Variants in PTGER3 observed in about 807,000 individuals in gnomAD.
PTGER3 encodes the protein prostaglandin E2 receptor EP3 subtype.
PTGER3 carries 22 observed loss-of-function variants against 34.7 expected under a neutral mutation model. The ratio of observed to expected loss-of-function variants is 0.63; its 90% confidence interval spans 0.45 to 0.91. The LOEUF (loss-of-function observed/expected upper bound fraction) is 0.91. Among genes scored for constraint, PTGER3 ranks in the 40% least tolerant of loss-of-function variants. The pLI is 0.00. For missense variants in PTGER3, 468 were observed against 519.4 expected (o/e 0.90, Z 0.96); for synonymous variants, 241 against 230.1 (o/e 1.05, Z -0.43).
At chr1:70,854,509 G>A (rs1645757282) in intron 4 of PTGER3, among the ~76,000 whole-genome samples, 1 of 152,122 alleles carries the variant, frequency 6.6e-6, no homozygotes, top group Non-Finnish European at 1.5e-5. Flanking sequence ...GGGGCCTGGT[G>A]GGAGATGATT....
chr1:70,853,360 C>T (rs532327775), intron 4 of PTGER3, among the ~76,000 whole-genome samples: 1 of 152,232 alleles, frequency 6.6e-6, no homozygotes, highest in South Asian at 2.1e-4. Flanking sequence ...GAATGGGAGG[C>T]ATTCTATAGA....
At chr1:71,013,369 T>A (rs1362607020) in intron 1 of PTGER3, among the ~76,000 whole-genome samples, 1 of 152,218 alleles carries the variant, frequency 6.6e-6, no homozygotes, top group Admixed American at 6.5e-5. Flanking sequence ...TTATATAATA[T>A]GTATTTATAT....
At chr1:70,856,823 T>C (rs1572465419) in intron 4 of PTGER3, among the ~76,000 whole-genome samples, 2 of 152,348 alleles carry the variant, frequency 1.3e-5, no homozygotes, top group African/African-American at 4.8e-5. Flanking sequence ...GAAACTGACA[T>C]TGGTACAATG....
chr1:70,924,163 A>G (rs567389780), intron 4 of PTGER3, among the ~76,000 whole-genome samples: 9 of 151,260 alleles, frequency 6.0e-5, no homozygotes, highest in Non-Finnish European at 1.3e-4. Context: ...GGCTTGGCTT[A>G]AAAAAAAAGT....
At position 71,046,701 on chromosome 1, in the gene PTGER3, C is replaced by A; in HGVS notation, c.877G>T (p.Val293Phe). Residue 293 changes from valine to phenylalanine, a missense_variant, in exon 1 of 4, where the codon GTC becomes TTC. Coordinates refer to ENST00000306666, the MANE Select transcript of PTGER3 (RefSeq NM_198719.2). Reference sequence around the variant, plus strand: ...CCTACCAGGAGCGGAGACCAGCAGACCGACAGCACGCACATGATCCCCATA... The same window carrying A: ...CCTACCAGGAGCGGAGACCAGCAGAACGACAGCACGCACATGATCCCCATA... Reference protein sequence around the residue: ...QLMGIMCVLSVCWSPLLIMML... With the variant: ...QLMGIMCVLSFCWSPLLIMML... 1 of 1,573,992 alleles carries A rather than the reference C, an allele frequency of 6.4e-7. No individual in the cohort carries two copies. Among genetic ancestry groups the A allele is most frequent in the South Asian group, 1.2e-5 (1 of 86,586 alleles).
chr1:71,029,439 G>T (rs1295037921), intron 1 of PTGER3, among the ~76,000 whole-genome samples: 1 of 152,170 alleles, frequency 6.6e-6, no homozygotes, highest in Non-Finnish European at 1.5e-5. Flanking sequence ...TGAAAACGAA[G>T]ATGACAGTAT....
intron 2 of PTGER3, among the ~76,000 whole-genome samples, chr1:70,961,559 A>C (rs1651934019): frequency 1.3e-5 from 2 of 152,164 alleles, no homozygotes; most frequent in South Asian, 4.1e-4. Context: ...TGTAGCCTTC[A>C]CTGGTAATTC....
intron 4 of PTGER3, among the ~76,000 whole-genome samples, chr1:70,880,509 G>T (rs960453111): frequency 6.6e-6 from 1 of 151,446 alleles, no homozygotes; most frequent in African/African-American, 2.4e-5. Context: ...GGCCAACATG[G>T]TGAAACCCCA....
chr1:70,953,839 G>A (rs915124355), intron 2 of PTGER3: 1 of 876,730 alleles, frequency 1.1e-6, no homozygotes, highest in Non-Finnish European at 1.7e-6. Context: ...AATATGCAAA[G>A]TTCCTAGAAG....
intron 4 of PTGER3, among the ~76,000 whole-genome samples, chr1:70,901,613 C>A (rs184517309): frequency 2.6e-5 from 4 of 152,218 alleles, no homozygotes; most frequent in African/African-American, 9.6e-5. Context: ...AAAGGCAGTA[C>A]CTACCTTCAA....
chr1:70,885,838 C>T (rs772356861), intron 4 of PTGER3, among the ~76,000 whole-genome samples: 5 of 152,054 alleles, frequency 3.3e-5, no homozygotes, highest in African/African-American at 4.8e-5. Flanking sequence ...GGAATAATGC[C>T]GGCAATGAGG....
intron 2 of PTGER3, among the ~76,000 whole-genome samples, chr1:70,964,623 C>T (rs1021423944): frequency 1.1e-4 from 16 of 152,164 alleles, no homozygotes; most frequent in Admixed American, 8.5e-4. Context: ...CCCAGTGGGT[C>T]CCTCCCATGA....
intron 4 of PTGER3, among the ~76,000 whole-genome samples, chr1:70,900,077 A>G (rs1355537429): frequency 6.6e-6 from 1 of 152,100 alleles, no homozygotes; most frequent in African/African-American, 2.4e-5. Context: ...ACCTAAAGCT[A>G]CCAATTTTCT....
rs1027167805 is a variant in PTGER3, at chr1:70,925,307, G to A, written c.*23+28456C>T. 5.9e-5 allele frequency among the ~76,000 whole-genome samples: 9 copies of A among 152,220 alleles called. No homozygotes were observed. In the South Asian group the frequency reaches 6.2e-4, roughly 11 times the overall value. On this transcript the variant is annotated intron_variant, in intron 4 of 4. Coordinates refer to the PTGER3 transcript ENST00000370931. ...GGCATGAGCCACCATGCTCAGCTAC[G>A]CACTCACTCTTAATATAACTTTAAT...
At chr1:71,008,442 T>C (rs988535112) in intron 2 of PTGER3, 26 of 893,682 alleles carry the variant, frequency 2.9e-5, no homozygotes, top group African/African-American at 3.6e-5. Flanking sequence ...TTAGGAATTA[T>C]AAAAGGGAAT....
chr1:70,919,146 T>C (rs1647300379), intron 4 of PTGER3, among the ~76,000 whole-genome samples: 1 of 152,116 alleles, frequency 6.6e-6, no homozygotes, highest in Admixed American at 6.6e-5. Context: ...GCCAGGCCCA[T>C]TGCAATTTAT....
intron 4 of PTGER3, among the ~76,000 whole-genome samples, chr1:70,932,499 G>A (rs1393001470): frequency 2.0e-5 from 3 of 152,166 alleles, no homozygotes; most frequent in Non-Finnish European, 2.9e-5. Flanking sequence ...TGGATTTACA[G>A]TGCTACATGG....
chr1:70,974,160 G>T, intron 3 of PTGER3, 137 bp downstream of exon 3: 1 of 1,263,648 alleles, frequency 7.9e-7, no homozygotes, highest in Non-Finnish European at 1.0e-6. Context: ...AAGGAATCTA[G>T]CACTCTTAAT....
chr1:70,915,308 A>G (rs190215281), intron 4 of PTGER3, among the ~76,000 whole-genome samples: 2 of 151,978 alleles, frequency 1.3e-5, no homozygotes, highest in East Asian at 3.9e-4. Context: ...GAATGTGTTA[A>G]ATTATCTATG....
Sources: allele counts gnomAD v4.1 joint callset (sites outside exome capture counted in the v4.1 genomes callset), GRCh38; gene constraint gnomAD v4.1.1; transcripts MANE v1.5; gene names NCBI Gene and HGNC (gene_info 2026-07-23, HGNC 2026-07-21).